Variants in ADGRV1 observed in about 807,000 individuals in gnomAD.
The protein encoded by ADGRV1 is G-protein coupled receptor 98.
Under a neutral mutation model 596.2 loss-of-function variants are expected in ADGRV1, and 359 were observed. The ratio of observed to expected loss-of-function variants is 0.60; its 90% confidence interval spans 0.55 to 0.66. The LOEUF is 0.66. Ranked by LOEUF, ADGRV1 falls within the 30% of genes least tolerant of loss-of-function variation. The pLI is 0.00. For synonymous variants in ADGRV1, 2,681 were observed against 2,679.2 expected, an observed-to-expected ratio of 1.00 and a Z score of -0.02; for missense variants, 7,274 against 7,575.6, an observed-to-expected ratio of 0.96 and a Z score of 1.48.
At chr5:90,737,715 A>G (rs879514506) in intron 50 of ADGRV1, among the ~76,000 whole-genome samples, 1 of 151,946 alleles carries the variant, frequency 6.6e-6, no homozygotes, top group Non-Finnish European at 1.5e-5. Context: ...TTTTTTACTT[A>G]AAGTCTATTT....
At chr5:90,762,289 C>T (rs1350813336) in intron 58 of ADGRV1, among the ~76,000 whole-genome samples, 1 of 152,112 alleles carries the variant, frequency 6.6e-6, no homozygotes, top group Non-Finnish European at 1.5e-5. Flanking sequence ...CTCCTCATCT[C>T]CAGATATATG....
chr5:91,075,175 G>A (rs1581977403), intron 86 of ADGRV1, among the ~76,000 whole-genome samples: 1 of 152,130 alleles, frequency 6.6e-6, no homozygotes, highest in Middle Eastern at 3.4e-3. Flanking sequence ...CTGTGCAGGA[G>A]CTCTTTAGTT....
intron 83 of ADGRV1, among the ~76,000 whole-genome samples, chr5:90,881,766 T>G (rs62374009): frequency 0.11 from 16,863 of 152,164 alleles, 1,544 homozygotes; most frequent in African/African-American, 0.25. Flanking sequence ...GCTCTATTGG[T>G]CAGGCTGGAG....
At chr5:90,618,829 T>C (rs1483033475) in intron 3 of ADGRV1, among the ~76,000 whole-genome samples, 1 of 151,808 alleles carries the variant, frequency 6.6e-6, no homozygotes, top group Admixed American at 6.6e-5. Flanking sequence ...TAGCCAGTGA[T>C]TATTTATAAT....
Position 90,840,854 on chromosome 5 carries a change from G to A in ADGRV1, c.16888G>A (p.Gly5630Arg). ...VSDADSQAIW[G>R]LADQLHQPVN... ...AGATGCAGATTCGCAGGCCATTTGG[G>A]GGCTTGCAGATCAGCTACATCAGCC... The change falls in exon 78 of 90, where the codon GGG becomes AGG. Residue 5630 changes from glycine (G) to arginine (R), a missense_variant. This residue lies in a region of ADGRV1 where 1,874 missense variants were observed against 1,970.2 expected (regional missense o/e 0.95). Coordinates refer to ENST00000405460, the MANE Select transcript of ADGRV1 (RefSeq NM_032119.4). The A allele has an allele frequency of 6.2e-7, 1 of 1,612,506 alleles. No individual in the cohort carries two copies. Among genetic ancestry groups the A allele is most frequent in the South Asian group, 1.1e-5 (1 of 90,966 alleles).
intron 70 of ADGRV1, 48 bp downstream of exon 70, chr5:90,791,394 C>T (rs1760062978): frequency 7.5e-7 from 1 of 1,337,208 alleles, no homozygotes; most frequent in East Asian, 2.5e-5. Context: ...AAAACCCTTT[C>T]AGGAGTGCCC....
chr5:90,842,985 GAAAAC>G lies in ADGRV1; in HGVS notation c.17019+2005_17019+2009del, dbSNP rs576788905. On this transcript the variant is annotated intron_variant, in intron 78 of 89. Coordinates refer to ENST00000405460, the MANE Select transcript of ADGRV1 (RefSeq NM_032119.4). ...TATGTACATACAGAAAATATATAAAGAAAACAAAAATTCTACTAACATAGACTTCA... is the reference window on the plus strand; with the variant it reads ...TATGTACATACAGAAAATATATAAAGAAAAATTCTACTAACATAGACTTCA... Among the ~76,000 whole-genome samples, 7 of 151,868 alleles carry G rather than the reference GAAAAC, an allele frequency of 4.6e-5. No individual in the cohort carries two copies. The South Asian group carries it at 1.2e-3, about 27-fold the overall frequency.
At chr5:91,117,303 A>T (rs1043881646) in intron 87 of ADGRV1, among the ~76,000 whole-genome samples, 1 of 152,184 alleles carries the variant, frequency 6.6e-6, no homozygotes, top group African/African-American at 2.4e-5. Context: ...TTATTCATTC[A>T]TTCAGAAACA....
intron 85 of ADGRV1, among the ~76,000 whole-genome samples, chr5:90,991,046 T>G (rs1292413312): frequency 6.6e-6 from 1 of 152,194 alleles, no homozygotes; most frequent in African/African-American, 2.4e-5. Flanking sequence ...AGAATATGCC[T>G]TTTATCTGGA....
rs114087085 is a variant in ADGRV1, at chr5:90,815,538, T to A, written c.16079-81T>A. ...GTGAATTTCTCACTTTTAAACCATC[T>A]GAGCTGGCAAGATTAGTGGAGCATG... On this transcript the variant is annotated intron_variant, in intron 74 of 89. Transcript: ENST00000405460. 5.3e-3 allele frequency: 3,914 copies of A among 741,816 alleles called. 122 individuals are homozygous for A. In the African/African-American group the frequency reaches 0.06, roughly 11 times the overall value. 46.0% of individuals were successfully genotyped at this position (741,816 alleles called of 1,614,324 possible). A position where few individuals can be genotyped will look rare whatever the true frequency, so the allele number is the denominator to read the frequency against.
chr5:90,992,173 A>G (rs1421502735), intron 85 of ADGRV1, among the ~76,000 whole-genome samples: 1 of 152,258 alleles, frequency 6.6e-6, no homozygotes, highest in Admixed American at 6.5e-5. Flanking sequence ...TTAGATGTCT[A>G]GCTTGCTTTA....
chr5:90,621,749 A>G (rs1292025692), intron 4 of ADGRV1, among the ~76,000 whole-genome samples: 2 of 151,910 alleles, frequency 1.3e-5, no homozygotes, highest in East Asian at 1.9e-4. Context: ...CTAAATAACC[A>G]TTGAGCTCAC....
At chr5:91,042,280 G>A (rs1472508510) in intron 85 of ADGRV1, among the ~76,000 whole-genome samples, 1 of 152,154 alleles carries the variant, frequency 6.6e-6, no homozygotes, top group African/African-American at 2.4e-5. Context: ...ACCAGCAATG[G>A]TAATGAATTA....
intron 83 of ADGRV1, among the ~76,000 whole-genome samples, chr5:90,919,496 T>C (rs1455811227): frequency 6.6e-6 from 1 of 152,226 alleles, no homozygotes; most frequent in Non-Finnish European, 1.5e-5. Flanking sequence ...TGACTATAAC[T>C]GAGATAAAAA....
At chr5:90,589,090 AT>A (rs1254694259) in intron 1 of ADGRV1, among the ~76,000 whole-genome samples, 15 of 152,298 alleles carry the variant, frequency 9.8e-5, no homozygotes, top group Non-Finnish European at 7.4e-5. Context: ...ATTAGCCTAA[AT>A]TTTTTGATTG....
At chr5:90,995,681 G>T (rs1781355682) in intron 85 of ADGRV1, among the ~76,000 whole-genome samples, 2 of 152,204 alleles carry the variant, frequency 1.3e-5, no homozygotes, top group African/African-American at 4.8e-5. Flanking sequence ...AAGACATGAA[G>T]ATGAGGGAAA....
chr5:90,674,851 T>C (rs930386639), intron 23 of ADGRV1, among the ~76,000 whole-genome samples: 5 of 152,192 alleles, frequency 3.3e-5, no homozygotes, highest in African/African-American at 1.2e-4. Context: ...TATTTTTAAG[T>C]GTTGCAACTC....
chr5:91,028,960 C>T (rs1461840322), intron 85 of ADGRV1, among the ~76,000 whole-genome samples: 1 of 152,054 alleles, frequency 6.6e-6, no homozygotes, highest in Non-Finnish European at 1.5e-5. Context: ...CTAGCTTGAA[C>T]TCCCAAGTTA....
At chr5:90,902,811 G>C (rs1413672852) in intron 83 of ADGRV1, among the ~76,000 whole-genome samples, 1 of 152,084 alleles carries the variant, frequency 6.6e-6, no homozygotes. Context: ...TCTGCTTTTA[G>C]TTTTCAAGTG....
Sources: gnomAD v4.1 joint callset for allele counts (sites outside exome capture counted in the v4.1 genomes callset) on GRCh38, gnomAD v4.1.1 for gene constraint, gnomAD v4.1.1 regional missense constraint, MANE v1.5 for transcripts, NCBI Gene and HGNC (gene_info 2026-07-23, HGNC 2026-07-21) for gene names.